Variants in PIK3AP1 observed in about 807,000 individuals in gnomAD.
PIK3AP1 encodes the protein phosphoinositide 3-kinase adapter protein 1.
In PIK3AP1, 21 loss-of-function variants were observed where a neutral mutation model predicts 88.1. The ratio of observed to expected loss-of-function variants is 0.24; its 90% CI spans 0.17 to 0.34. The LOEUF is 0.34. Among genes scored for constraint, PIK3AP1 ranks in the 10% least tolerant of loss-of-function variants. The pLI is 1.00. For synonymous variants in PIK3AP1, 398 were observed against 400.0 expected (o/e 1.00, Z 0.06); for missense variants, 828 against 1,035.7 (o/e 0.80, Z 2.75).
chr10:96,700,605 G>C (rs886693580), intron 2 of PIK3AP1, among the ~76,000 whole-genome samples: 4 of 152,130 alleles, frequency 2.6e-5, no homozygotes, highest in African/African-American at 4.8e-5. Context: ...TTCAGCAGGG[G>C]GTATTTAAGG....
At chr10:96,640,374 C>G (rs963208671) in intron 8 of PIK3AP1, among the ~76,000 whole-genome samples, 5 of 147,930 alleles carry the variant, frequency 3.4e-5, no homozygotes, top group African/African-American at 7.5e-5. Context: ...ACTGCCCCCC[C>G]AAGGCCATTC....
At chr10:96,661,827 C>CAGGAA (rs1248194793) in intron 2 of PIK3AP1, among the ~76,000 whole-genome samples, 3 of 109,468 alleles carry the variant, frequency 2.7e-5, no homozygotes, top group Non-Finnish European at 5.9e-5. Flanking sequence ...CAGGACAGGA[C>CAGGAA]AGGAAAGGAA....
chr10:96,662,884 G>C (rs1350797488), intron 2 of PIK3AP1, among the ~76,000 whole-genome samples: 1 of 29,718 alleles, frequency 3.4e-5, no homozygotes, highest in Non-Finnish European at 5.1e-5. Context: ...GCGAGACTCC[G>C]TCTCAAAAAA....
intron 13 of PIK3AP1, among the ~76,000 whole-genome samples, chr10:96,614,025 C>T (rs941812615): frequency 1.3e-5 from 2 of 152,160 alleles, no homozygotes; most frequent in African/African-American, 4.8e-5. Context: ...TCGCTGGCCC[C>T]AGAGTCCATC....
intron 2 of PIK3AP1, among the ~76,000 whole-genome samples, chr10:96,669,783 A>T (rs1294342644): frequency 1.3e-5 from 2 of 151,822 alleles, no homozygotes; most frequent in Admixed American, 6.6e-5. Flanking sequence ...AAACAAACAA[A>T]AAAAAAACCA....
chr10:96,714,042 C>T (rs375100694), intron 1 of PIK3AP1, among the ~76,000 whole-genome samples: 136 of 152,258 alleles, frequency 8.9e-4, no homozygotes, highest in African/African-American at 3.2e-3. Flanking sequence ...GGCATGGTGG[C>T]ATGCGTCTGT....
At chr10:96,688,771 C>T (rs1464411653) in intron 2 of PIK3AP1, among the ~76,000 whole-genome samples, 8 of 151,494 alleles carry the variant, frequency 5.3e-5, no homozygotes, top group African/African-American at 1.9e-4. Context: ...GTACTCCAGG[C>T]CTGGGTGATA....
intron 2 of PIK3AP1, among the ~76,000 whole-genome samples, chr10:96,660,898 C>T (rs1843676954): frequency 1.3e-5 from 2 of 151,936 alleles, no homozygotes; most frequent in Admixed American, 1.3e-4. Context: ...AAAGAAGTCA[C>T]TCTGAGTCAG....
chr10:96,657,135 G>C (rs541529006), intron 2 of PIK3AP1, among the ~76,000 whole-genome samples: 26 of 152,156 alleles, frequency 1.7e-4, no homozygotes, highest in Non-Finnish European at 3.7e-4. Flanking sequence ...CCACAGGGCA[G>C]AATGACAGCA....
intron 14 of PIK3AP1, among the ~76,000 whole-genome samples, chr10:96,606,128 TC>T (rs1848998813): frequency 6.6e-6 from 1 of 151,950 alleles, no homozygotes; most frequent in Non-Finnish European, 1.5e-5. Context: ...CCTGTCTCTT[TC>T]TACTCGTTAC....
At chr10:96,700,382 C>G (rs1005300748) in intron 2 of PIK3AP1, among the ~76,000 whole-genome samples, 2 of 152,068 alleles carry the variant, frequency 1.3e-5, no homozygotes, top group Non-Finnish European at 2.9e-5. Context: ...GTTAACTATT[C>G]CAGGAGCAGC....
intron 8 of PIK3AP1, among the ~76,000 whole-genome samples, chr10:96,637,512 C>T (rs142697410): frequency 1.8e-3 from 279 of 152,114 alleles, no homozygotes; most frequent in African/African-American, 6.3e-3. Flanking sequence ...CCATGCCTGG[C>T]TAATTTAAAA....
At chr10:96,704,742 G>GA (rs571023935) in intron 2 of PIK3AP1, among the ~76,000 whole-genome samples, 2,103 of 150,016 alleles carry the variant, frequency 0.014, 25 homozygotes, top group Non-Finnish European at 0.021. Context: ...AAAGAAAAAA[G>GA]AAAAAAAAAG....
At chr10:96,716,514 C>A (rs1186756060) in intron 1 of PIK3AP1, among the ~76,000 whole-genome samples, 1 of 152,174 alleles carries the variant, frequency 6.6e-6, no homozygotes, top group Admixed American at 6.5e-5. Context: ...CTATCACCTT[C>A]CCGAATATTG....
Position 96,616,567 on chromosome 10 carries a change from C to G in PIK3AP1, c.2014+72G>C, listed in dbSNP as rs1849218053. 4 of 1,540,992 alleles carry G rather than the reference C, an allele frequency of 2.6e-6. No individual in the cohort carries two copies. In the Admixed American group the frequency reaches 6.7e-5, roughly 26 times the overall value. Reference sequence around the variant, plus strand: ...AGTGGTCTGCCCACTCAGGCCACAGCCAAAAGGAGAGTCAAGGACAACAGA... The same window carrying G: ...AGTGGTCTGCCCACTCAGGCCACAGGCAAAAGGAGAGTCAAGGACAACAGA... On this transcript the variant is annotated intron_variant, in intron 13 of 16. Coordinates refer to ENST00000339364, the MANE Select transcript of PIK3AP1 (RefSeq NM_152309.3).
In PIK3AP1 at chr10:96,612,948, GTGTATATATATATATA is replaced by G. The variant is rs1459081920; in HGVS notation, c.2015-3097_2015-3082del. On this transcript the variant is annotated intron_variant, in intron 13 of 16. Coordinates refer to ENST00000339364, the MANE Select transcript of PIK3AP1 (RefSeq NM_152309.3). ...CTTTATGCCACTGAATTGTGTGTGT[GTGTATATATATATATA>G]TATATATATATATATATATTTTTTT... Among the ~76,000 whole-genome samples the G allele has an allele frequency of 4.1e-3, 192 of 46,282 alleles. 2 individuals carry two copies. Among genetic ancestry groups the G allele is most frequent in the African/African-American group, 0.015 (183 of 11,888 alleles). 30.4% of individuals were successfully genotyped at this position (46,282 alleles called of 152,430 possible). A position where few individuals can be genotyped will look rare whatever the true frequency, so the allele number is the denominator to read the frequency against.
At chr10:96,603,815 A>C (rs1848951847) in intron 15 of PIK3AP1, 164 bp downstream of exon 15, 1 of 663,076 alleles carries the variant, frequency 1.5e-6, no homozygotes, top group Non-Finnish European at 2.4e-6. Context: ...GGCAACCACC[A>C]ATCTTCAAAC....
At chr10:96,715,536 T>C (rs1844489905) in intron 1 of PIK3AP1, among the ~76,000 whole-genome samples, 2 of 152,242 alleles carry the variant, frequency 1.3e-5, no homozygotes, top group Admixed American at 1.3e-4. Context: ...GAGAACTCTC[T>C]GTACTATCTT....
chr10:96,708,777 A>C (rs1180477204), intron 2 of PIK3AP1, among the ~76,000 whole-genome samples: 1 of 151,980 alleles, frequency 6.6e-6, no homozygotes, highest in African/African-American at 2.4e-5. Context: ...CAAAATATAG[A>C]AGCTAGGCTG....
Sources: allele counts gnomAD v4.1 joint callset (sites outside exome capture counted in the v4.1 genomes callset), GRCh38; gene constraint gnomAD v4.1.1; transcripts MANE v1.5; gene names NCBI Gene and HGNC (gene_info 2026-07-23, HGNC 2026-07-21).